The following ADAMTSL1 variants were observed in gnomAD, a reference collection of about 807,000 sequenced individuals.
The protein encoded by ADAMTSL1 is ADAMTS-like protein 1.
In ADAMTSL1, 126 loss-of-function variants were observed where a neutral mutation model predicts 201.8. That is an observed-to-expected ratio of 0.62 (90% CI 0.54 to 0.72). The LOEUF (loss-of-function observed/expected upper bound fraction) is 0.72. ADAMTSL1 is among the 30% of genes least tolerant of loss of function. ADAMTSL1 has a pLI of 0.00. For synonymous variants in ADAMTSL1, 1,121 were observed against 903.4 expected (o/e 1.24, Z -4.32); for missense variants, 2,679 against 2,277.8 (o/e 1.18, Z -3.59).
chr9:18,876,873 T>C (rs1426605501), intron 23 of ADAMTSL1, among the ~76,000 whole-genome samples: 1 of 152,246 alleles, frequency 6.6e-6, no homozygotes, highest in Non-Finnish European at 1.5e-5. Flanking sequence ...ATCTTCTTCC[T>C]TGGGAACATC....
intron 2 of ADAMTSL1, among the ~76,000 whole-genome samples, chr9:18,315,982 A>G (rs1834376689): frequency 6.6e-6 from 1 of 152,210 alleles, no homozygotes. Flanking sequence ...TGGCTTGAGA[A>G]ATAAAGGGAC....
intron 1 of ADAMTSL1, among the ~76,000 whole-genome samples, chr9:17,995,916 C>G (rs1471256081): frequency 6.6e-6 from 1 of 151,842 alleles, no homozygotes; most frequent in Non-Finnish European, 1.5e-5. Context: ...ATTTCCTCAT[C>G]TCTAAAATGA....
chr9:18,865,375 A>T (rs1460763661), intron 23 of ADAMTSL1, among the ~76,000 whole-genome samples: 1 of 152,096 alleles, frequency 6.6e-6, no homozygotes, highest in African/African-American at 2.4e-5. Context: ...TGAACTCATC[A>T]TTTTTTATGG....
At position 18,198,496 on chromosome 9, in the gene ADAMTSL1, A is replaced by G. The variant is rs990197591; in HGVS notation, c.207+34515A>G. On this transcript the variant is annotated intron_variant, in intron 2 of 29. Coordinates refer to the ADAMTSL1 transcript ENST00000680146. ...AAGGAGACATTTATGCAGCCAAAAAACACATGAAAAAATGCTCATCATCAC... is the reference window on the plus strand; with the variant it reads ...AAGGAGACATTTATGCAGCCAAAAAGCACATGAAAAAATGCTCATCATCAC... Among the ~76,000 whole-genome samples the G allele has an allele frequency of 9.3e-5, 14 of 149,758 alleles. No individual in the cohort carries two copies. In the East Asian group the frequency reaches 2.1e-3, roughly 23 times the overall value.
chr9:18,869,340 A>G (rs1827742033), intron 23 of ADAMTSL1, among the ~76,000 whole-genome samples: 1 of 152,250 alleles, frequency 6.6e-6, no homozygotes, highest in Non-Finnish European at 1.5e-5. Flanking sequence ...GAAAACTAAT[A>G]CACCCTTCCA....
chr9:18,636,005 C>T lies in ADAMTSL1; in HGVS notation c.664C>T (p.Pro222Ser), dbSNP rs868811701. The T allele has an allele frequency of 6.3e-7, 1 of 1,596,310 alleles. No homozygotes were observed. Among genetic ancestry groups the T allele is most frequent in the Middle Eastern group, 1.7e-4 (1 of 6,002 alleles). Reference sequence around the variant, plus strand: ...ACATATTCGCCTTGTCTTAAAAGGTCCTGATCACTTATGTAAGTAACTCCA... The same window carrying T: ...ACATATTCGCCTTGTCTTAAAAGGTTCTGATCACTTATGTAAGTAACTCCA... ...SRHIRLVLKGPDHLYLETKTL... is the reference protein window; with the variant it reads ...SRHIRLVLKGSDHLYLETKTL... Residue 222 changes from proline to serine, a missense_variant, in exon 6 of 29, where the codon CCT becomes TCT. By Grantham distance (74) the Pro-to-Ser change is moderately conservative. Coordinates refer to ENST00000380548, the MANE Select transcript of ADAMTSL1 (RefSeq NM_001040272.6).
chr9:18,889,673 A>C lies in ADAMTSL1; in HGVS notation c.4568A>C (p.Asn1523Thr), dbSNP rs756681951. The C allele has an allele frequency of 6.2e-6, 10 of 1,604,948 alleles. No individual in the cohort carries two copies. The highest frequency in any genetic ancestry group is 2.7e-5 in the African/African-American group (2 of 74,180). Residue 1523 changes from asparagine (N) to threonine (T), a missense_variant, in exon 25 of 29, where the codon AAC becomes ACC. Asn to Thr is a moderately conservative substitution (Grantham distance 65, BLOSUM62 0). Transcript: ENST00000380548. ...TGCCTGCTGAACAGCACGGAGGTCAACCCTGCCCACTGCGCAGGGAAGGTT... is the reference window on the plus strand; with the variant it reads ...TGCCTGCTGAACAGCACGGAGGTCACCCCTGCCCACTGCGCAGGGAAGGTT... ...LRCLLNSTEVNPAHCAGKVRP... is the reference protein window; with the variant it reads ...LRCLLNSTEVTPAHCAGKVRP...
At chr9:18,186,357 T>A (rs1002485959) in intron 2 of ADAMTSL1, among the ~76,000 whole-genome samples, 6 of 152,126 alleles carry the variant, frequency 3.9e-5, no homozygotes, top group African/African-American at 1.4e-4. Flanking sequence ...TGAGGTTTGC[T>A]TTTTTTGGTC....
chr9:18,146,064 A>C (rs1253364046), intron 1 of ADAMTSL1, among the ~76,000 whole-genome samples: 1 of 152,174 alleles, frequency 6.6e-6, no homozygotes, highest in Non-Finnish European at 1.5e-5. Flanking sequence ...ACTAAAATCC[A>C]AAAACTAGTC....
At chr9:18,364,759 G>T (rs1010411039) in intron 2 of ADAMTSL1, among the ~76,000 whole-genome samples, 4 of 152,104 alleles carry the variant, frequency 2.6e-5, no homozygotes, top group African/African-American at 7.2e-5. Flanking sequence ...GTCTTGGGAG[G>T]CCTCAGGAAA....
rs371676571 is a variant in ADAMTSL1, at chr9:18,578,799, G to C, written c.474+4533G>C. On this transcript the variant is annotated intron_variant, in intron 4 of 28. Transcript: ENST00000380548. ...TCTAGTTCTAGATCCCTGAGGAATC[G>C]CCACACTGACTTCCACAATGGTTGA... is the stretch of plus-strand genomic sequence containing the variant. 1.1e-3 allele frequency among the ~76,000 whole-genome samples: 159 copies of C among 151,040 alleles called. 2 individuals are homozygous for C. Among genetic ancestry groups the C allele is most frequent in the Admixed American group, 3.4e-3 (52 of 15,154 alleles).
chr9:18,412,052 T>A (rs1804347586), intron 2 of ADAMTSL1, among the ~76,000 whole-genome samples: 1 of 152,204 alleles, frequency 6.6e-6, no homozygotes, highest in Non-Finnish European at 1.5e-5. Context: ...AGACATTGAC[T>A]TGTCAGGGAA....
chr9:18,607,893 C>T (rs898336231), intron 4 of ADAMTSL1, among the ~76,000 whole-genome samples: 50 of 152,160 alleles, frequency 3.3e-4, no homozygotes, highest in African/African-American at 1.2e-3. Context: ...CATGTCCCTA[C>T]AAAGGACATG....
intron 2 of ADAMTSL1, among the ~76,000 whole-genome samples, chr9:18,350,774 A>G (rs945647904): frequency 1.3e-5 from 2 of 152,082 alleles, no homozygotes; most frequent in Admixed American, 1.3e-4. Flanking sequence ...TATTAGAGAC[A>G]GGGGTGAATT....
chr9:18,180,686 A>G (rs1394045851), intron 2 of ADAMTSL1, among the ~76,000 whole-genome samples: 5 of 152,224 alleles, frequency 3.3e-5, no homozygotes, highest in Admixed American at 2.6e-4. Context: ...GGAAGAATCA[A>G]TATCATGAAA....
chr9:18,585,671 A>G (rs573450777), intron 4 of ADAMTSL1, among the ~76,000 whole-genome samples: 1 of 152,318 alleles, frequency 6.6e-6, no homozygotes, highest in Non-Finnish European at 1.5e-5. Context: ...CTTCAGATCA[A>G]TATCCTTGAT....
chr9:18,392,714 A>G (rs183028922), intron 2 of ADAMTSL1, among the ~76,000 whole-genome samples: 101 of 152,346 alleles, frequency 6.6e-4, no homozygotes, highest in Non-Finnish European at 9.6e-4. Flanking sequence ...ATTATGCAAA[A>G]TAATTTATTT....
At chr9:18,164,635 T>C (rs1563778130) in intron 2 of ADAMTSL1, among the ~76,000 whole-genome samples, 1 of 151,792 alleles carries the variant, frequency 6.6e-6, no homozygotes, top group Non-Finnish European at 1.5e-5. Flanking sequence ...TGTATAGTGA[T>C]GACCTTAGGC....
intron 1 of ADAMTSL1, among the ~76,000 whole-genome samples, chr9:17,954,082 T>C (rs2131380081): frequency 6.6e-6 from 1 of 152,336 alleles, no homozygotes; most frequent in Middle Eastern, 3.4e-3. Flanking sequence ...AATCTCTGTC[T>C]CTTTGCCTCT....
Sources: allele counts gnomAD v4.1 joint callset (sites outside exome capture counted in the v4.1 genomes callset), GRCh38; gene constraint gnomAD v4.1.1; transcripts MANE v1.5; gene names NCBI Gene and HGNC (gene_info 2026-07-23, HGNC 2026-07-21).